KLF17: variants seen among roughly 807,000 people sequenced by gnomAD.
The protein encoded by KLF17 is KLF transcription factor 17.
KLF17 carries 31 observed loss-of-function variants against 34.2 expected under a neutral mutation model. The observed-to-expected ratio is 0.91, with a 90% CI of 0.68 to 1.22. KLF17 has a LOEUF of 1.22. Among genes scored for constraint, KLF17 ranks in the 50% most tolerant of loss-of-function variants. KLF17 has a pLI of 0.00. For missense variants in KLF17, 478 were observed against 505.2 expected, an observed-to-expected ratio of 0.95 and a Z score of 0.52; for synonymous variants, 179 against 186.7, an observed-to-expected ratio of 0.96 and a Z score of 0.34.
the KLF17 span, among the ~76,000 whole-genome samples, chr1:44,099,909 GAAAGAAAGAA>G: frequency 1.8e-5 from 1 of 54,096 alleles, no homozygotes; most frequent in Non-Finnish European, 4.0e-5. Context: ...AAGAAAGAAA[GAAAGAAAGAA>G]AAGAAAGGGA....
At chr1:44,047,793 G>A in the KLF17 span, among the ~76,000 whole-genome samples, 1 of 152,188 alleles carries the variant, frequency 6.6e-6, no homozygotes, top group African/African-American at 2.4e-5. Flanking sequence ...AGATAGGGAA[G>A]AGGAAGAATC....
At chr1:44,071,817 C>A in the KLF17 span, among the ~76,000 whole-genome samples, 1 of 152,096 alleles carries the variant, frequency 6.6e-6, no homozygotes, top group Non-Finnish European at 1.5e-5. Flanking sequence ...AGACTTCCCA[C>A]GTTCTGGTTC....
chr1:44,066,348 A>AC, the KLF17 span, among the ~76,000 whole-genome samples: 2 of 147,406 alleles, frequency 1.4e-5, no homozygotes, highest in South Asian at 2.1e-4. Flanking sequence ...CCTCCCCCCA[A>AC]AAAAAACAAC....
chr1:44,119,616 G>A (rs944346931), intron 1 of KLF17, among the ~76,000 whole-genome samples: 1 of 152,142 alleles, frequency 6.6e-6, no homozygotes, highest in South Asian at 2.1e-4. Flanking sequence ...TGTTTGACCC[G>A]ATTTGGGAGG....
chr1:44,119,404 G>GA (rs560211733), intron 1 of KLF17, among the ~76,000 whole-genome samples: 35,814 of 136,738 alleles, frequency 0.26, 4,512 homozygotes, highest in Non-Finnish European at 0.3. Context: ...GAAACAACAG[G>GA]AAAAAAAAAA....
chr1:44,047,568 C>T, the KLF17 span, among the ~76,000 whole-genome samples: 2 of 149,814 alleles, frequency 1.3e-5, no homozygotes, highest in African/African-American at 2.5e-5. Context: ...GGACCCGGCA[C>T]AGTGACATCA....
chr1:44,095,153 G>A, the KLF17 span, among the ~76,000 whole-genome samples: 4 of 150,788 alleles, frequency 2.7e-5, no homozygotes, highest in Admixed American at 6.6e-5. Context: ...CGCCCGCCTC[G>A]GCCTCCCAAA....
the KLF17 span, among the ~76,000 whole-genome samples, chr1:44,058,667 CTTTTTTTTTTTTTTTTTT>C: frequency 0.3 from 19,439 of 65,152 alleles, 2,336 homozygotes; most frequent in South Asian, 0.49. Flanking sequence ...ATGGGAGGCC[CTTTTTTTTTTTTTTTTTT>C]TTTTTTTTTT....
upstream of KLF17, chr1:44,117,446 T>C (rs914204106): frequency 8.0e-6 from 1 of 124,462 alleles, no homozygotes; most frequent in Non-Finnish European, 1.8e-5. Context: ...ATTTATTTTA[T>C]TTTATTTTAT....
At chr1:44,060,463 G>A in the KLF17 span, among the ~76,000 whole-genome samples, 4 of 152,224 alleles carry the variant, frequency 2.6e-5, no homozygotes, top group Non-Finnish European at 5.9e-5. Flanking sequence ...GTAAGACTCT[G>A]TCTCAAAAAA....
chr1:44,122,631 C>G, intron 1 of KLF17: 2 of 627,200 alleles, frequency 3.2e-6, no homozygotes, highest in Non-Finnish European at 2.9e-6. Context: ...GTCTCACTCT[C>G]TCCCCCAGGC....
rs577269039 is a variant in KLF17 at position 44,125,825 on chromosome 1, T to A, written c.82-3528T>A. ...GGTCTGTGAGTTTATCCTACTTGAA[T>A]TTTGTTGAGCTTCTTGGATATTTGT... On this transcript the variant is annotated intron_variant, in intron 1 of 3. Transcript: ENST00000372299. 3.5e-3 allele frequency among the ~76,000 whole-genome samples: 532 copies of A among 152,116 alleles called. 4 individuals carry two copies. The highest frequency in any genetic ancestry group is 5.7e-3 in the Non-Finnish European group (385 of 67,994).
At chr1:44,048,652 A>T in the KLF17 span, among the ~76,000 whole-genome samples, 1 of 152,144 alleles carries the variant, frequency 6.6e-6, no homozygotes, top group Non-Finnish European at 1.5e-5. Context: ...TTTGGATGGG[A>T]TCTCCTAAGT....
the KLF17 span, among the ~76,000 whole-genome samples, chr1:44,089,368 G>A: frequency 6.6e-5 from 10 of 152,184 alleles, no homozygotes; most frequent in African/African-American, 2.4e-4. Flanking sequence ...GCCCCACAAA[G>A]CCTCAACCAA....
chr1:44,132,175 G>A (rs527901920), intron 3 of KLF17, among the ~76,000 whole-genome samples: 20 of 152,220 alleles, frequency 1.3e-4, no homozygotes, highest in African/African-American at 3.9e-4. Flanking sequence ...GCATGGTGGC[G>A]TGCGCCTGTA....
chr1:44,130,853 G>A (rs2088100929), intron 3 of KLF17, 97 bp downstream of exon 3: 3 of 1,256,542 alleles, frequency 2.4e-6, no homozygotes, highest in Non-Finnish European at 3.3e-6. Context: ...CTGGAGTGCA[G>A]TGGCGCAATT....
At chr1:44,130,805 T>C in intron 3 of KLF17, 49 bp downstream of exon 3, 1 of 1,596,840 alleles carries the variant, frequency 6.3e-7, no homozygotes, top group Non-Finnish European at 8.6e-7. Context: ...TTTTTCCTTT[T>C]TATTTTTTTG....
the KLF17 span, among the ~76,000 whole-genome samples, chr1:44,062,498 G>C: frequency 1.3e-5 from 2 of 151,642 alleles, no homozygotes; most frequent in African/African-American, 2.4e-5. Flanking sequence ...GGAGCCAGGA[G>C]TTCCAGATCA....
the KLF17 span, chr1:44,106,538 C>T: frequency 1.3e-5 from 2 of 152,182 alleles, no homozygotes; most frequent in Non-Finnish European, 2.9e-5. Flanking sequence ...ATGTTGGGGA[C>T]TATCAAGGTT....
Sources: gnomAD v4.1 joint callset for allele counts (sites outside exome capture counted in the v4.1 genomes callset) on GRCh38, gnomAD v4.1.1 for gene constraint, MANE v1.5 for transcripts, NCBI Gene and HGNC (gene_info 2026-07-23, HGNC 2026-07-21) for gene names.